Variants in ZNF37A observed in about 807,000 individuals in gnomAD.
ZNF37A encodes the protein zinc finger protein 37a (KOX 21).
ZNF37A carries 10 observed loss-of-function variants against 12.3 expected under a neutral mutation model. The ratio of observed to expected loss-of-function variants is 0.82; its 90% CI spans 0.50 to 1.38. The LOEUF (loss-of-function observed/expected upper bound fraction) is 1.38. Among genes scored for constraint, ZNF37A ranks in the 40% most tolerant of loss-of-function variants. The pLI is 0.00. For synonymous variants in ZNF37A, 207 were observed against 223.0 expected (o/e 0.93, Z 0.64); for missense variants, 580 against 651.2 (o/e 0.89, Z 1.19).
At chr10:38,096,878 A>G (rs2067195172) in intron 5 of ZNF37A, among the ~76,000 whole-genome samples, 1 of 152,198 alleles carries the variant, frequency 6.6e-6, no homozygotes, top group Admixed American at 6.5e-5. Flanking sequence ...AGATTTCATT[A>G]TATATAAAGT....
chr10:38,115,115 G>GTA (rs2069155074), intron 6 of ZNF37A, 80 bp from the exon 7 acceptor site: 2 of 1,052,538 alleles, frequency 1.9e-6, no homozygotes, highest in African/African-American at 3.5e-5. Flanking sequence ...GTGTGTGTGT[G>GTA]TACTGTTTGG....
intron 7 of ZNF37A, chr10:38,144,357 T>TA (rs2136086003): frequency 6.6e-6 from 1 of 152,300 alleles, no homozygotes; most frequent in African/African-American, 2.4e-5. Flanking sequence ...TTCCCTGTTT[T>TA]AAAAAATCAC....
rs535049932 is a variant in ZNF37A at position 38,133,793 on chromosome 10, A to G, written c.239-12939A>G. On this transcript the variant is annotated intron_variant, in intron 7 of 7. Coordinates refer to the ZNF37A transcript ENST00000638053. ...TAAACATACATGTGCGTGTGTTTTT[A>G]TAGCAGCATGATTTATAGTCCTTTG... is the stretch of plus-strand genomic sequence containing the variant. 5.3e-5 allele frequency among the ~76,000 whole-genome samples: 8 copies of G among 152,288 alleles called. No individual in the cohort carries two copies. The East Asian group carries it at 1.5e-3, about 29-fold the overall frequency.
chr10:38,134,756 G>A (rs1273204206), intron 7 of ZNF37A, among the ~76,000 whole-genome samples: 1 of 152,220 alleles, frequency 6.6e-6, no homozygotes, highest in Admixed American at 6.5e-5. Context: ...CCCACTTGAG[G>A]AGGCAGTCTG....
At chr10:38,106,484 A>C (rs1329139396) in intron 5 of ZNF37A, among the ~76,000 whole-genome samples, 3 of 152,242 alleles carry the variant, frequency 2.0e-5, no homozygotes, top group South Asian at 2.1e-4. Context: ...AAGGGAACAA[A>C]ACTGGACAGA....
At chr10:38,150,270 A>G (rs2070311297) in exon 8 of ZNF37A, 1 of 152,172 alleles carries the variant, frequency 6.6e-6, no homozygotes, top group African/African-American at 2.4e-5. Flanking sequence ...CATTCTGCCA[A>G]GTTTATTAAA....
At chr10:38,135,215 T>G (rs1462430649) in intron 7 of ZNF37A, among the ~76,000 whole-genome samples, 1 of 152,082 alleles carries the variant, frequency 6.6e-6, no homozygotes, top group Non-Finnish European at 1.5e-5. Flanking sequence ...TGAAACCCCG[T>G]CTCTACTAAA....
At chr10:38,130,031 C>G (rs556398919), downstream of ZNF37A, among the ~76,000 whole-genome samples, 1 of 152,290 alleles carries the variant, frequency 6.6e-6, no homozygotes, top group South Asian at 2.1e-4. Flanking sequence ...CAACCATAAT[C>G]TTTCCTTCTC....
chr10:38,136,544 G>C (rs1200688712), intron 7 of ZNF37A, among the ~76,000 whole-genome samples: 1 of 152,146 alleles, frequency 6.6e-6, no homozygotes, highest in African/African-American at 2.4e-5. Context: ...ATGGTTTGTT[G>C]TATGCGATGA....
rs1478059808 is a variant in ZNF37A at position 38,123,552 on chromosome 10, A to G, written c.*4715A>G. ...TTTAACGCTGAGCATTACCTCTCAAAGTGAGATTTGGGCAGGGACTAATAT... is the reference window on the plus strand; with the variant it reads ...TTTAACGCTGAGCATTACCTCTCAAGGTGAGATTTGGGCAGGGACTAATAT... On this transcript the variant is annotated 3_prime_UTR_variant, in exon 8 of 8. Transcript: ENST00000685332. 6.6e-6 allele frequency: 1 copy of G among 152,096 alleles called. No homozygotes were observed. The highest frequency in any genetic ancestry group is 1.5e-5 in the Non-Finnish European group (1 of 68,016). 9.4% of individuals were successfully genotyped at this position (152,096 alleles called of 1,614,324 possible).
chr10:38,129,324 T>TAAAAAAAAAAAAAAAAAAAAAAAAAAAAA (rs1202965903), downstream of ZNF37A, among the ~76,000 whole-genome samples: 3 of 65,046 alleles, frequency 4.6e-5, no homozygotes, highest in Admixed American at 1.6e-4. Flanking sequence ...AAAAAAAAAC[T>TAAAAAAAAAAAAAAAAAAAAAAAAAAAAA]ATTATTTTTT....
At chr10:38,135,995 C>T (rs2070102623) in intron 7 of ZNF37A, among the ~76,000 whole-genome samples, 1 of 152,178 alleles carries the variant, frequency 6.6e-6, no homozygotes, top group Non-Finnish European at 1.5e-5. Flanking sequence ...CTGAAGGAAT[C>T]TCTTTAGCAT....
intron 5 of ZNF37A, among the ~76,000 whole-genome samples, chr10:38,106,884 T>C (rs2068144940): frequency 6.6e-6 from 1 of 152,148 alleles, no homozygotes; most frequent in Non-Finnish European, 1.5e-5. Context: ...GTTTGATTGG[T>C]GTACCTGAAA....
At chr10:38,133,638 C>T (rs1477317102) in intron 7 of ZNF37A, among the ~76,000 whole-genome samples, 1 of 152,074 alleles carries the variant, frequency 6.6e-6, no homozygotes, top group African/African-American at 2.4e-5. Flanking sequence ...CTACAAAGGA[C>T]ATGAACTCAT....
At position 38,115,301 on chromosome 10, in the gene ZNF37A, A is replaced by G. The variant is rs1206247277; in HGVS notation, c.238+11A>G. ...GCCAGAGTCATCTGGGTGAGTTAGT[A>G]TGTGCCAGATGGAATTTAAAGGAAG... On this transcript the variant is annotated intron_variant, in intron 7 of 7. Transcript: ENST00000685332. 5 of 1,611,776 alleles carry G rather than the reference A, an allele frequency of 3.1e-6. No homozygotes were observed. The highest frequency in any genetic ancestry group is 4.2e-6 in the Non-Finnish European group (5 of 1,178,942).
At chr10:38,112,738 T>TCTTGGTCTCGGTCTCGGTCTCGGTCTCGG in intron 5 of ZNF37A, among the ~76,000 whole-genome samples, 9 of 58,908 alleles carry the variant, frequency 1.5e-4, no homozygotes, top group Non-Finnish European at 2.1e-4. Flanking sequence ...CCATTTTCTT[T>TCTTGGTCTCGGTCTCGGTCTCGGTCTCGG]TCTTTTCTTT....
exon 8 of ZNF37A, chr10:38,146,789 C>T: frequency 5.0e-6 from 2 of 398,444 alleles, no homozygotes; most frequent in Non-Finnish European, 8.8e-6. Flanking sequence ...GAGACCAGCT[C>T]GGTCGTGGAG....
chr10:38,116,337 A>G (rs1034833122), intron 7 of ZNF37A, among the ~76,000 whole-genome samples: 2 of 152,264 alleles, frequency 1.3e-5, no homozygotes, highest in South Asian at 2.1e-4. Context: ...ATATTGTTAT[A>G]GCAATCCAGC....
chr10:38,114,869 C>T lies in ZNF37A; in HGVS notation c.130C>T (p.Leu44Phe). 6.2e-7 allele frequency: 1 copy of T among 1,612,334 alleles called. No individual in the cohort carries two copies. Among genetic ancestry groups the T allele is most frequent in the Non-Finnish European group, 8.5e-7 (1 of 1,179,306 alleles). The change falls in exon 6 of 8, where the codon CTT (leucine) becomes TTT (phenylalanine). Residue 44 changes from leucine to phenylalanine, a missense_variant. Leu to Phe is a conservative substitution (Grantham distance 22, BLOSUM62 0). Transcript: ENST00000685332. The stretch of plus-strand genomic sequence containing the variant: ...TGTGATGCTGGAGAACTACAGCCAC[C>T]TTGTCTCAGTAGGTAGGTAGGAATT... ...RDVMLENYSH[L>F]VSVGYCIPKP...
Sources: allele counts gnomAD v4.1 joint callset (sites outside exome capture counted in the v4.1 genomes callset), GRCh38; gene constraint gnomAD v4.1.1; transcripts MANE v1.5; gene names NCBI Gene and HGNC (gene_info 2026-07-23, HGNC 2026-07-21).